The following SLC6A7 variants were observed in gnomAD, a reference collection of about 807,000 sequenced individuals.
The protein encoded by SLC6A7 is sodium-dependent proline transporter.
SLC6A7 carries 58 observed loss-of-function variants against 73.1 expected under a neutral mutation model. The ratio of observed to expected loss-of-function variants is 0.79; its 90% CI spans 0.64 to 0.99. The LOEUF is 0.99. Among genes scored for constraint, SLC6A7 ranks in the 50% least tolerant of loss-of-function variants. The pLI is 0.00. For synonymous variants in SLC6A7, 338 were observed against 338.7 expected, an observed-to-expected ratio of 1.00 and a Z score of 0.02; for missense variants, 783 against 831.4, an observed-to-expected ratio of 0.94 and a Z score of 0.72.
At chr5:150,196,960 AG>A (rs1369206822) in intron 3 of SLC6A7, 81 bp from the exon 4 acceptor site, 2 of 1,528,160 alleles carry the variant, frequency 1.3e-6, no homozygotes, top group African/African-American at 2.7e-5. Context: ...AAGCCCAGAT[AG>A]CTGCCAGCTC....
chr5:150,190,822 ACT>A (rs1752750073), intron 1 of SLC6A7, among the ~76,000 whole-genome samples: 1 of 150,390 alleles, frequency 6.6e-6, no homozygotes, highest in African/African-American at 2.5e-5. Flanking sequence ...CTGCGGGAAG[ACT>A]CTCCTCTTTC....
In SLC6A7 at chr5:150,205,495, G is replaced by C; in HGVS notation, c.1573G>C (p.Glu525Gln). 2 of 1,613,194 alleles carry C rather than the reference G, an allele frequency of 1.2e-6. No individual in the cohort carries two copies. The highest frequency in any genetic ancestry group is 1.7e-6 in the Non-Finnish European group (2 of 1,179,528). The change falls in exon 13 of 14, where the codon GAG becomes CAG. Residue 525 changes from glutamate (E) to glutamine (Q), a missense_variant. Transcript: ENST00000230671. Reference protein sequence around the residue: ...VYSIVKYQPSEYGSYRFPPWA... With the variant: ...VYSIVKYQPSQYGSYRFPPWA... ...TAGCATCGTCAAGTACCAGCCCTCG[G>C]AGTATGGCAGTTACCGCTTCCCGCC...
chr5:150,208,931 A>T (rs1358845953), intron 13 of SLC6A7, among the ~76,000 whole-genome samples: 1 of 152,328 alleles, frequency 6.6e-6, no homozygotes, highest in African/African-American at 2.4e-5. Flanking sequence ...CTCCCGGTTC[A>T]TGGCTCTTTT....
At chr5:150,198,115 G>GAAAA (rs1224170798) in intron 4 of SLC6A7, among the ~76,000 whole-genome samples, 921 of 77,564 alleles carry the variant, frequency 0.012, 28 homozygotes, top group African/African-American at 0.034. Context: ...AAGAAAGAAA[G>GAAAA]AGAAAGAAAG....
chr5:150,208,442 G>T (rs1427231133), intron 13 of SLC6A7, among the ~76,000 whole-genome samples: 1 of 152,150 alleles, frequency 6.6e-6, no homozygotes, highest in Non-Finnish European at 1.5e-5. Flanking sequence ...AGAACTGGTG[G>T]AGCTGATATC....
intron 1 of SLC6A7, among the ~76,000 whole-genome samples, chr5:150,194,371 GTGT>G: frequency 6.6e-6 from 1 of 151,850 alleles, no homozygotes; most frequent in Non-Finnish European, 1.5e-5. Flanking sequence ...GGAGGTTGCG[GTGT>G]GCTGAGGTTG....
intron 5 of SLC6A7, among the ~76,000 whole-genome samples, chr5:150,200,596 T>C (rs1753326810): frequency 6.6e-6 from 1 of 152,166 alleles, no homozygotes; most frequent in African/African-American, 2.4e-5. Flanking sequence ...ATACCAGAAG[T>C]ATCATTTACA....
At chr5:150,208,811 C>G (rs986018998) in intron 13 of SLC6A7, among the ~76,000 whole-genome samples, 2 of 152,154 alleles carry the variant, frequency 1.3e-5, no homozygotes, top group Non-Finnish European at 2.9e-5. Flanking sequence ...CTTAGTCACC[C>G]CGACTCCGTC....
intron 13 of SLC6A7, among the ~76,000 whole-genome samples, chr5:150,209,115 C>T (rs1158403588): frequency 1.3e-5 from 2 of 152,244 alleles, no homozygotes; most frequent in Non-Finnish European, 2.9e-5. Flanking sequence ...TTCACAACAA[C>T]CCTGTGACAG....
chr5:150,207,494 G>A (rs190114749), intron 13 of SLC6A7, among the ~76,000 whole-genome samples: 43 of 152,270 alleles, frequency 2.8e-4, no homozygotes, highest in Admixed American at 2.0e-3. Flanking sequence ...CGCGCACTTC[G>A]GCCTCCCAAA....
chr5:150,191,300 G>A (rs575951079), intron 1 of SLC6A7, among the ~76,000 whole-genome samples: 24 of 152,196 alleles, frequency 1.6e-4, no homozygotes, highest in African/African-American at 5.8e-4. Context: ...GTTCTCAGGG[G>A]CTGGTGTTAT....
intron 5 of SLC6A7, 66 bp from the exon 6 acceptor site, chr5:150,201,020 TGAG>T (rs1345475285): frequency 6.4e-7 from 1 of 1,554,912 alleles, no homozygotes; most frequent in African/African-American, 1.4e-5. Context: ...GTGACACAGA[TGAG>T]TTTACAAGGA....
In SLC6A7 at chr5:150,204,531, G is replaced by A; in HGVS notation, c.1333-1G>A. ...ACACCAGAACTGTGCTTGTGTTTTA[G>A]GGGGGCATGTACTGGCTGGTCCTTC... is the stretch of plus-strand genomic sequence containing the variant. On this transcript the variant is annotated splice_acceptor_variant, in intron 10 of 13. Transcript: ENST00000230671. LOFTEE classifies it high-confidence loss of function. The A allele has an allele frequency of 6.2e-7, 1 of 1,612,130 alleles. No homozygotes were observed. The highest frequency in any genetic ancestry group is 1.3e-5 in the African/African-American group (1 of 75,016).
rs1400625314 is a variant in SLC6A7, at chr5:150,197,273, G to A, written c.581G>A (p.Trp194Ter). ...TCTVSPSEEY[W>*]SRYVLHIQGS... ...ACCGTCAGCCCCAGCGAGGAGTACT[G>A]GAGGTCAGGCAGCTGCTGGCCCCGC... Residue 194 changes from tryptophan (W) to a stop codon, truncating the protein, a stop_gained, in exon 4 of 14, where the codon TGG becomes TAG. Coordinates refer to ENST00000230671, the MANE Select transcript of SLC6A7 (RefSeq NM_014228.5). LOFTEE classifies it high-confidence loss of function. 6.3e-7 allele frequency: 1 copy of A among 1,598,326 alleles called. No homozygotes were observed. Among genetic ancestry groups the A allele is most frequent in the South Asian group, 1.1e-5 (1 of 89,106 alleles).
chr5:150,198,083 GAA>G (rs1424792239), intron 4 of SLC6A7, among the ~76,000 whole-genome samples: 1 of 100,702 alleles, frequency 9.9e-6, no homozygotes, highest in African/African-American at 4.0e-5. Flanking sequence ...AAGAAAGAAA[GAA>G]AGAAAGAAAG....
At chr5:150,196,297 A>G (rs1415958097) in intron 2 of SLC6A7, among the ~76,000 whole-genome samples, 1 of 152,152 alleles carries the variant, frequency 6.6e-6, no homozygotes, top group African/African-American at 2.4e-5. Context: ...GGGAAGGGCT[A>G]TTGGGCCCAC....
chr5:150,198,284 A>G (rs1753183627), intron 4 of SLC6A7, among the ~76,000 whole-genome samples: 2 of 151,824 alleles, frequency 1.3e-5, no homozygotes, highest in African/African-American at 2.4e-5. Flanking sequence ...TGGCCAGAGA[A>G]CACAGACCCT....
chr5:150,209,302 C>A, intron 13 of SLC6A7, 104 bp from the exon 14 acceptor site: 2 of 946,052 alleles, frequency 2.1e-6, no homozygotes, highest in South Asian at 1.4e-5. Flanking sequence ...GGCCAGGACT[C>A]CCCCAGTGAT....
At chr5:150,205,772 G>A (rs987079021) in intron 13 of SLC6A7, 149 bp downstream of exon 13, 2 of 684,412 alleles carry the variant, frequency 2.9e-6, no homozygotes, top group Admixed American at 3.0e-5. Flanking sequence ...CAGATTCAGG[G>A]GCTGGAGTCC....
Sources: allele counts gnomAD v4.1 joint callset (sites outside exome capture counted in the v4.1 genomes callset), GRCh38; gene constraint gnomAD v4.1.1; transcripts MANE v1.5; gene names NCBI Gene and HGNC (gene_info 2026-07-23, HGNC 2026-07-21).